HERC4: variants seen among roughly 807,000 people sequenced by gnomAD.
HERC4 encodes probable E3 ubiquitin-protein ligase HERC4.
A neutral mutation model predicts 124.3 loss-of-function variants in HERC4; 28 were observed. The ratio of observed to expected loss-of-function variants is 0.23; its 90% CI spans 0.17 to 0.31. HERC4 has a LOEUF of 0.31. Ranked by LOEUF, HERC4 falls within the 10% of genes least tolerant of loss-of-function variation. HERC4 has a pLI of 1.00. For missense variants in HERC4, 713 were observed against 1,229.3 expected (o/e 0.58, Z 6.28); for synonymous variants, 407 against 421.5 (o/e 0.97, Z 0.42).
intron 19 of HERC4, among the ~76,000 whole-genome samples, chr10:67,949,239 G>A (rs1016147482): frequency 6.6e-6 from 1 of 151,974 alleles, no homozygotes; most frequent in Non-Finnish European, 1.5e-5. Flanking sequence ...AGCTGAGATC[G>A]TGCCACTGCA....
At chr10:68,051,041 CG>C (rs761102860) in intron 3 of HERC4, among the ~76,000 whole-genome samples, 9 of 147,314 alleles carry the variant, frequency 6.1e-5, no homozygotes, top group Non-Finnish European at 8.9e-5. Flanking sequence ...AATTAGAAAA[CG>C]GAGAGTTAAG....
intron 23 of HERC4, 57 bp downstream of exon 23, chr10:67,932,528 CATAAAAAGGCAA>C: frequency 7.3e-7 from 1 of 1,365,640 alleles, no homozygotes; most frequent in South Asian, 1.3e-5. Context: ...AAAAATAATA[CATAAAAAGGCAA>C]GATTTCCATA....
intron 15 of HERC4, among the ~76,000 whole-genome samples, chr10:67,987,486 G>A (rs2036327992): frequency 1.3e-5 from 2 of 152,014 alleles, no homozygotes; most frequent in South Asian, 2.1e-4. Context: ...TTGAATCCTC[G>A]GCAAACAGTA....
At chr10:68,036,029 T>A (rs75262001) in intron 5 of HERC4, among the ~76,000 whole-genome samples, 4,555 of 152,166 alleles carry the variant, frequency 0.03, 237 homozygotes, top group African/African-American at 0.1. Flanking sequence ...AAAAAATGTT[T>A]AGCGGCTGGG....
chr10:67,982,938 G>A (rs1273410097), intron 15 of HERC4, among the ~76,000 whole-genome samples: 2 of 151,924 alleles, frequency 1.3e-5, no homozygotes, highest in African/African-American at 4.8e-5. Flanking sequence ...GACCAGCCTG[G>A]GCAACACGGT....
At position 67,967,144 on chromosome 10, in the gene HERC4, A is replaced by G. The variant is rs537411941; in HGVS notation, c.1807-342T>C. Among the ~76,000 whole-genome samples the G allele has an allele frequency of 2.7e-3, 416 of 152,320 alleles. 1 individual carries two copies. Among genetic ancestry groups the G allele is most frequent in the African/African-American group, 9.0e-3 (376 of 41,580 alleles). On this transcript the variant is annotated intron_variant, in intron 15 of 24. Coordinates refer to ENST00000373700, the MANE Select transcript of HERC4 (RefSeq NM_015601.4). ...GTTGGGATTACAGGCGTGAGCCACC[A>G]CGCCTGGCCAAGACAGAGAAATTTA...
chr10:67,977,442 A>C (rs987574896), intron 15 of HERC4, among the ~76,000 whole-genome samples: 1 of 152,184 alleles, frequency 6.6e-6, no homozygotes, highest in Admixed American at 6.5e-5. Flanking sequence ...GCCTTGAGTG[A>C]GCCTGAAACT....
At chr10:67,926,213 G>A (rs2131959175) in intron 23 of HERC4, among the ~76,000 whole-genome samples, 1 of 152,166 alleles carries the variant, frequency 6.6e-6, no homozygotes, top group South Asian at 2.1e-4. Context: ...TGGCCAACAT[G>A]GTGAAACCCC....
intron 3 of HERC4, among the ~76,000 whole-genome samples, chr10:68,054,221 T>C (rs187373775): frequency 0.012 from 1,897 of 152,352 alleles, 16 homozygotes; most frequent in Admixed American, 0.019. Flanking sequence ...GCTCCATTCT[T>C]ACACATGTAT....
chr10:68,045,458 T>C (rs2039973431), intron 3 of HERC4, among the ~76,000 whole-genome samples: 1 of 152,236 alleles, frequency 6.6e-6, no homozygotes, highest in Non-Finnish European at 1.5e-5. Context: ...CAGTAAACCA[T>C]GACTGACAGG....
chr10:67,998,865 G>A (rs2037060896), intron 9 of HERC4, among the ~76,000 whole-genome samples: 1 of 151,836 alleles, frequency 6.6e-6, no homozygotes, highest in Non-Finnish European at 1.5e-5. Context: ...CAGCCCCAAC[G>A]AGCAGCTGGG....
At chr10:67,925,409 A>G (rs1021551792) in intron 23 of HERC4, among the ~76,000 whole-genome samples, 2 of 152,194 alleles carry the variant, frequency 1.3e-5, no homozygotes, top group African/African-American at 2.4e-5. Flanking sequence ...ACATGATAGG[A>G]TCATACTATC....
chr10:67,927,413 TATATATATATATA>T (rs1258408371), intron 23 of HERC4, among the ~76,000 whole-genome samples: 311 of 12,976 alleles, frequency 0.024, 18 homozygotes, highest in African/African-American at 0.053. Flanking sequence ...TATATATATA[TATATATATATATA>T]TATATTTTTT....
chr10:68,059,481 T>TATA, intron 3 of HERC4, among the ~76,000 whole-genome samples: 1 of 130,488 alleles, frequency 7.7e-6, no homozygotes, highest in East Asian at 2.1e-4. Context: ...TATTATAATA[T>TATA]TATATATTAT....
chr10:68,033,397 T>C (rs997578801), intron 6 of HERC4, among the ~76,000 whole-genome samples: 1 of 152,202 alleles, frequency 6.6e-6, no homozygotes. Flanking sequence ...ATTTCAGTCA[T>C]TACAATTATA....
chr10:68,014,688 T>C (rs2038155230), intron 8 of HERC4, among the ~76,000 whole-genome samples: 1 of 152,202 alleles, frequency 6.6e-6, no homozygotes, highest in African/African-American at 2.4e-5. Flanking sequence ...CTGAGGAAAG[T>C]AATCTCTATA....
At chr10:67,936,911 T>A (rs539700634) in intron 21 of HERC4, among the ~76,000 whole-genome samples, 1 of 152,160 alleles carries the variant, frequency 6.6e-6, no homozygotes, top group Admixed American at 6.6e-5. Context: ...TACTATCTAG[T>A]AAAGGAAGAG....
Position 67,922,227 on chromosome 10 carries a change from A to T in HERC4, c.*704T>A, listed in dbSNP as rs1015422276. 2.2e-4 allele frequency: 34 copies of T among 152,306 alleles called. 1 individual carries two copies. The highest frequency in any genetic ancestry group is 7.9e-4 in the African/African-American group (33 of 41,578). The allele number at this position is 152,306 out of a possible 1,614,324, so 9.4% of individuals were successfully genotyped here. On this transcript the variant is annotated 3_prime_UTR_variant, in exon 25 of 25. Coordinates refer to ENST00000373700, the MANE Select transcript of HERC4 (RefSeq NM_015601.4). ...AGAGTTCTTCCAGTACTAAATATTA[A>T]TAAGTTCTCTGATCGACAATCCCCC...
chr10:67,984,831 GC>G (rs1315406139), intron 15 of HERC4, among the ~76,000 whole-genome samples: 1 of 152,098 alleles, frequency 6.6e-6, no homozygotes. Flanking sequence ...TGATCCACCG[GC>G]CTCAGCCTCG....
Sources: gnomAD v4.1 joint callset for allele counts (sites outside exome capture counted in the v4.1 genomes callset) on GRCh38, gnomAD v4.1.1 for gene constraint, MANE v1.5 for transcripts, NCBI Gene and HGNC (gene_info 2026-07-23, HGNC 2026-07-21) for gene names.